The following JCAD variants were observed in gnomAD, a reference collection of about 807,000 sequenced individuals.
JCAD encodes the protein junctional cadherin 5-associated protein.
Under a neutral mutation model 98.0 loss-of-function variants are expected in JCAD, and 40 were observed. The observed-to-expected ratio is 0.41, with a 90% CI of 0.32 to 0.53. The LOEUF (loss-of-function observed/expected upper bound fraction) is 0.53. Among genes scored for constraint, JCAD ranks in the 20% least tolerant of loss-of-function variants. The pLI, the probability that JCAD is intolerant of heterozygous loss-of-function variation, is 0.31. For synonymous variants in JCAD, 691 were observed against 682.3 expected (o/e 1.01, Z -0.20); for missense variants, 1,705 against 1,738.1 (o/e 0.98, Z 0.34).
chr10:30,027,539 T>C lies in JCAD; in HGVS notation c.2609A>G (p.Asn870Ser), dbSNP rs779699279. The change falls in exon 3 of 4, where the codon AAC (asparagine) becomes AGC (serine). Residue 870 changes from asparagine to serine, a missense_variant. Physicochemically the swap from Asn to Ser is conservative, Grantham distance 46. Coordinates refer to ENST00000375377, the MANE Select transcript of JCAD (RefSeq NM_020848.4). ...EESEAEPQQENRAHCRQEDVG... is the reference protein window; with the variant it reads ...EESEAEPQQESRAHCRQEDVG... ...ATCCTCCTGTCTGCAGTGAGCACGG[T>C]TCTCCTGCTGCGGCTCCGCCTCACT... 2 of 1,613,350 alleles carry C rather than the reference T, an allele frequency of 1.2e-6. No homozygotes were observed. The highest frequency in any genetic ancestry group is 2.2e-5 in the South Asian group (2 of 91,082).
At chr10:30,055,651 A>G (rs1837555951) in intron 1 of JCAD, among the ~76,000 whole-genome samples, 1 of 152,240 alleles carries the variant, frequency 6.6e-6, no homozygotes, top group African/African-American at 2.4e-5. Flanking sequence ...TTAAAATCTC[A>G]CAAGATGTAA....
In JCAD at chr10:30,046,500, G is replaced by A. The variant is rs577674251; in HGVS notation, c.281+1032C>T. Among the ~76,000 whole-genome samples the A allele has an allele frequency of 2.6e-5, 4 of 152,314 alleles. No homozygotes were observed. The South Asian group carries it at 6.2e-4, about 24-fold the overall frequency. On this transcript the variant is annotated intron_variant, in intron 2 of 3. Transcript: ENST00000375377. ...AGAAGAAACGTTTTGTTTTACAAAC[G>A]GAGGGGAATACAGAGCCCTTTTCAC...
At chr10:30,079,538 CT>C (rs754051287) in intron 1 of JCAD, among the ~76,000 whole-genome samples, 44 of 152,126 alleles carry the variant, frequency 2.9e-4, no homozygotes, top group Admixed American at 9.8e-4. Flanking sequence ...ACCATTGCCC[CT>C]GTCTAGGCAG....
intron 2 of JCAD, among the ~76,000 whole-genome samples, chr10:30,046,288 T>C (rs1368488758): frequency 6.6e-6 from 1 of 152,118 alleles, no homozygotes; most frequent in Non-Finnish European, 1.5e-5. Context: ...CCAGCCTGGC[T>C]CTGTGGCAAG....
chr10:30,092,102 AT>A lies in JCAD; in HGVS notation n.129-22282del, dbSNP rs1231790833. ...ATATATATATATAAAGTTACTTTATATATATATATATATATATATATATAAA... is the reference window on the plus strand; with the variant it reads ...ATATATATATATAAAGTTACTTTATAATATATATATATATATATATATAAA... On this transcript the variant is annotated intron_variant and non_coding_transcript_variant, in intron 1 of 2. Transcript: ENST00000465712. Among the ~76,000 whole-genome samples, 707 of 103,942 alleles carry A rather than the reference AT, an allele frequency of 6.8e-3. 22 individuals are homozygous for A. The highest frequency in any genetic ancestry group is 0.017 in the African/African-American group (385 of 22,768). The allele number at this position is 103,942 out of a possible 152,430, so 68.2% of individuals were successfully genotyped here. A position where few individuals can be genotyped will look rare whatever the true frequency, so the allele number is the denominator to read the frequency against.
At chr10:30,100,620 G>GT (rs1303508862) in intron 1 of JCAD, among the ~76,000 whole-genome samples, 2 of 152,174 alleles carry the variant, frequency 1.3e-5, no homozygotes, top group Non-Finnish European at 2.9e-5. Context: ...CGAACCTCAG[G>GT]TGATCTGCCC....
At chr10:30,105,799 G>A (rs1838567215) in intron 1 of JCAD, among the ~76,000 whole-genome samples, 2 of 152,122 alleles carry the variant, frequency 1.3e-5, no homozygotes, top group Non-Finnish European at 2.9e-5. Flanking sequence ...TTTATCATCT[G>A]CTATGATAAA....
intron 1 of JCAD, among the ~76,000 whole-genome samples, chr10:30,112,131 A>C (rs1170826297): frequency 6.6e-6 from 1 of 152,236 alleles, no homozygotes; most frequent in African/African-American, 2.4e-5. Context: ...ATTCAGCCGT[A>C]GAACAGAATG....
intron 1 of JCAD, among the ~76,000 whole-genome samples, chr10:30,078,511 T>C (rs2132679320): frequency 6.6e-6 from 1 of 152,296 alleles, no homozygotes; most frequent in Non-Finnish European, 1.5e-5. Flanking sequence ...TTGAAGTAGC[T>C]GCTCTAATGG....
At chr10:30,025,828 GTTGCAGTGAGCAGAGA>G (rs1836779004) in intron 3 of JCAD, among the ~76,000 whole-genome samples, 1 of 152,122 alleles carries the variant, frequency 6.6e-6, no homozygotes, top group Non-Finnish European at 1.5e-5. Flanking sequence ...AGCAGCGGAG[GTTGCAGTGAGCAGAGA>G]TTGCACAACT....
Position 30,017,887 on chromosome 10 carries a change from A to G in JCAD, c.4076T>C (p.Val1359Ala). ...GCAAGCTCCACCGGCATTTCATCACACCCTCTCCACTCTGCTAGGGTCATA... is the reference window on the plus strand; with the variant it reads ...GCAAGCTCCACCGGCATTTCATCACGCCCTCTCCACTCTGCTAGGGTCATA... ...DSYDPSRVER[V>A] The change falls in exon 4 of 4, where the codon GTG becomes GCG. Residue 1359 changes from valine (V) to alanine (A), a missense_variant. Val to Ala is a moderately conservative substitution (Grantham distance 64, BLOSUM62 0). Coordinates refer to ENST00000375377, the MANE Select transcript of JCAD (RefSeq NM_020848.4). 4 of 1,612,912 alleles carry G rather than the reference A, an allele frequency of 2.5e-6. No homozygotes were observed. Among genetic ancestry groups the G allele is most frequent in the Non-Finnish European group, 3.4e-6 (4 of 1,179,098 alleles).
chr10:30,065,435 TCAA>T (rs1837767072), intron 2 of JCAD, among the ~76,000 whole-genome samples: 1 of 152,156 alleles, frequency 6.6e-6, no homozygotes, highest in African/African-American at 2.4e-5. Flanking sequence ...GGATTTTATG[TCAA>T]CAAGTGCTAA....
chr10:30,115,158 C>T (rs779616929), intron 1 of JCAD, among the ~76,000 whole-genome samples: 6 of 152,170 alleles, frequency 3.9e-5, no homozygotes, highest in African/African-American at 7.2e-5. Context: ...AAACACCCAG[C>T]GCTTTCTCCA....
At chr10:30,077,139 G>T (rs944454318) in intron 1 of JCAD, among the ~76,000 whole-genome samples, 4 of 152,202 alleles carry the variant, frequency 2.6e-5, no homozygotes, top group African/African-American at 9.7e-5. Flanking sequence ...CACAGAGTCT[G>T]AGTGTCTAGT....
chr10:30,034,584 C>T (rs1016929543), intron 2 of JCAD, among the ~76,000 whole-genome samples: 3 of 152,156 alleles, frequency 2.0e-5, no homozygotes, highest in Non-Finnish European at 2.9e-5. Context: ...TGAAAGCCAT[C>T]GTCACTGGCC....
chr10:30,064,499 A>G (rs1211022052), upstream of JCAD, among the ~76,000 whole-genome samples: 4 of 152,184 alleles, frequency 2.6e-5, no homozygotes, highest in East Asian at 7.7e-4. Flanking sequence ...CCATCACCTT[A>G]TACATTTACC....
rs751992350 is a variant in JCAD, at chr10:30,047,520, A to G, written c.281+12T>C. On this transcript the variant is annotated intron_variant, in intron 2 of 3. Transcript: ENST00000375377. Reference sequence around the variant, plus strand: ...AGTCAAAAGAAAACGGTGGGTTCACAGTGAAACTTACCCCGCCTCCGAGGT... The same window carrying G: ...AGTCAAAAGAAAACGGTGGGTTCACGGTGAAACTTACCCCGCCTCCGAGGT... 4 of 1,607,292 alleles carry G rather than the reference A, an allele frequency of 2.5e-6. No individual in the cohort carries two copies. The Admixed American group carries it at 6.8e-5, about 27-fold the overall frequency.
intron 1 of JCAD, among the ~76,000 whole-genome samples, chr10:30,048,900 C>A (rs758312637): frequency 2.0e-5 from 3 of 152,104 alleles, no homozygotes; most frequent in Non-Finnish European, 4.4e-5. Context: ...CAAATTTCTT[C>A]CCAGTAGATC....
chr10:30,095,036 C>T (rs948178084), intron 1 of JCAD, among the ~76,000 whole-genome samples: 1 of 152,148 alleles, frequency 6.6e-6, no homozygotes, highest in Non-Finnish European at 1.5e-5. Context: ...TTGGCCGGTG[C>T]ACCTCCAGCT....
Sources: allele counts gnomAD v4.1 joint callset (sites outside exome capture counted in the v4.1 genomes callset), GRCh38; gene constraint gnomAD v4.1.1; transcripts MANE v1.5; gene names NCBI Gene and HGNC (gene_info 2026-07-23, HGNC 2026-07-21).